Variants in CFAP95 observed in about 807,000 individuals in gnomAD.
CFAP95 encodes the protein cilia and flagella associated protein 95, also known as cilia- and flagella-associated protein 95.
the CFAP95 span, among the ~76,000 whole-genome samples, chr9:69,834,234 C>T: frequency 6.6e-6 from 1 of 152,192 alleles, no homozygotes; most frequent in Non-Finnish European, 1.5e-5. Flanking sequence ...TACTTTTCCA[C>T]CACCCAGTGT....
the CFAP95 span, among the ~76,000 whole-genome samples, chr9:69,889,554 A>G: frequency 6.6e-6 from 1 of 152,190 alleles, no homozygotes; most frequent in African/African-American, 2.4e-5. Flanking sequence ...CAATCTTTTC[A>G]GTTCCCCAGG....
chr9:69,860,934 T>C, the CFAP95 span, among the ~76,000 whole-genome samples: 13 of 152,142 alleles, frequency 8.5e-5, no homozygotes, highest in South Asian at 2.7e-3. Flanking sequence ...ATACCTCCTG[T>C]AGGACCTGCC....
chr9:69,828,898 A>G, the CFAP95 span, among the ~76,000 whole-genome samples: 1 of 152,208 alleles, frequency 6.6e-6, no homozygotes, highest in Non-Finnish European at 1.5e-5. Flanking sequence ...AAAATTTGTG[A>G]TATCACTTTC....
chr9:69,831,690 G>A, the CFAP95 span, among the ~76,000 whole-genome samples: 8 of 152,126 alleles, frequency 5.3e-5, no homozygotes, highest in Admixed American at 4.6e-4. Context: ...TTGGACCAGG[G>A]GAGCTTTTCA....
the CFAP95 span, chr9:69,820,891 T>C: frequency 6.2e-7 from 1 of 1,614,014 alleles, no homozygotes; most frequent in Admixed American, 1.7e-5. Flanking sequence ...TGGATAGCCT[T>C]GACAGATCCT....
At chr9:69,895,758 T>C in the CFAP95 span, among the ~76,000 whole-genome samples, 18 of 152,136 alleles carry the variant, frequency 1.2e-4, no homozygotes, top group African/African-American at 4.3e-4. Context: ...ACCCTATTTC[T>C]CCAGAAACTT....
chr9:69,858,630 A>G, the CFAP95 span, among the ~76,000 whole-genome samples: 1 of 152,224 alleles, frequency 6.6e-6, no homozygotes, highest in Non-Finnish European at 1.5e-5. Flanking sequence ...GATGTCTTTA[A>G]GCAGAAACAG....
the CFAP95 span, among the ~76,000 whole-genome samples, chr9:69,823,447 T>C: frequency 6.6e-6 from 1 of 152,172 alleles, no homozygotes; most frequent in African/African-American, 2.4e-5. Context: ...GGCTCTAGGT[T>C]TGAAAACTAA....
chr9:69,877,797 G>C, the CFAP95 span, among the ~76,000 whole-genome samples: 1 of 152,110 alleles, frequency 6.6e-6, no homozygotes, highest in Non-Finnish European at 1.5e-5. Context: ...TGTCTTTCTT[G>C]TTTTACTGCA....
the CFAP95 span, chr9:69,820,990 C>G: frequency 9.3e-6 from 15 of 1,613,730 alleles, no homozygotes; most frequent in African/African-American, 5.3e-5. Context: ...CCCTCCGCTC[C>G]CATCACAAGA....
At chr9:69,828,440 G>T in the CFAP95 span, among the ~76,000 whole-genome samples, 1 of 152,196 alleles carries the variant, frequency 6.6e-6, no homozygotes, top group Non-Finnish European at 1.5e-5. Flanking sequence ...CAACACTTTG[G>T]GAAGCCAAGG....
chr9:69,894,964 C>G, the CFAP95 span, among the ~76,000 whole-genome samples: 1 of 149,378 alleles, frequency 6.7e-6, no homozygotes, highest in African/African-American at 2.5e-5. Context: ...GCATTCCAAC[C>G]TGGGTGACAG....
At chr9:69,842,944 T>C in the CFAP95 span, among the ~76,000 whole-genome samples, 3 of 152,114 alleles carry the variant, frequency 2.0e-5, no homozygotes, top group Admixed American at 6.6e-5. Context: ...GGAGTGTTAA[T>C]GGGAATGTAG....
At chr9:69,881,012 AT>A in the CFAP95 span, among the ~76,000 whole-genome samples, 41 of 150,106 alleles carry the variant, frequency 2.7e-4, no homozygotes, top group East Asian at 2.5e-3. Context: ...GGATTATTAG[AT>A]TTTTTTTTTC....
At chr9:69,900,825 G>A in the CFAP95 span, among the ~76,000 whole-genome samples, 243 of 152,230 alleles carry the variant, frequency 1.6e-3, no homozygotes, top group Non-Finnish European at 3.1e-3. Context: ...GAGTTGATCT[G>A]TTTCAAGAGT....
the CFAP95 span, chr9:69,886,981 G>T: frequency 1.0e-6 from 1 of 990,416 alleles, no homozygotes. Flanking sequence ...GGGAAGAAAG[G>T]AGAAATTGCT....
At chr9:69,847,845 A>C in the CFAP95 span, among the ~76,000 whole-genome samples, 2 of 152,208 alleles carry the variant, frequency 1.3e-5, no homozygotes, top group Non-Finnish European at 2.9e-5. Flanking sequence ...TAATATGAGC[A>C]TCATTTATTT....
chr9:69,901,389 G>A, the CFAP95 span, among the ~76,000 whole-genome samples: 57 of 152,160 alleles, frequency 3.7e-4, no homozygotes, highest in Middle Eastern at 6.8e-3. Context: ...CACCTGCCTC[G>A]GCCTCCCAAA....
At chr9:69,858,590 T>C in the CFAP95 span, among the ~76,000 whole-genome samples, 11 of 152,282 alleles carry the variant, frequency 7.2e-5, no homozygotes, top group Middle Eastern at 3.4e-3. Context: ...TTGTTGGTCA[T>C]AAATTCAAAG....
Sources: allele counts gnomAD v4.1 joint callset (sites outside exome capture counted in the v4.1 genomes callset), GRCh38; gene constraint gnomAD v4.1.1; transcripts MANE v1.5; gene names NCBI Gene and HGNC (gene_info 2026-07-23, HGNC 2026-07-21).